TAF1B: variants seen among roughly 807,000 people sequenced by gnomAD.
TAF1B encodes the protein TATA-box binding protein associated factor, RNA polymerase I subunit B.
TAF1B carries 61 observed loss-of-function variants against 83.9 expected under a neutral mutation model. The observed-to-expected ratio is 0.73, with a 90% confidence interval of 0.59 to 0.90. The LOEUF (loss-of-function observed/expected upper bound fraction) is 0.90, where lower values mean the gene tolerates loss of function less well. TAF1B is among the 40% of genes least tolerant of loss of function. The pLI is 0.00. For synonymous variants in TAF1B, 221 were observed against 224.6 expected (o/e 0.98, Z 0.14); for missense variants, 625 against 677.0 (o/e 0.92, Z 0.85).
chr2:9,887,768 C>CTAT (rs1165516654), intron 8 of TAF1B, among the ~76,000 whole-genome samples: 1 of 152,014 alleles, frequency 6.6e-6, no homozygotes, highest in Non-Finnish European at 1.5e-5. Flanking sequence ...TACCATCTTG[C>CTAT]TATTACATGT....
At chr2:9,845,569 G>T in intron 2 of TAF1B, 2 of 357,362 alleles carry the variant, frequency 5.6e-6, no homozygotes, top group Non-Finnish European at 1.1e-5. Context: ...ATGTGGTTGA[G>T]GGAAATAATT....
intron 9 of TAF1B, among the ~76,000 whole-genome samples, chr2:9,907,357 C>T (rs970919272): frequency 1.3e-5 from 2 of 151,966 alleles, no homozygotes; most frequent in African/African-American, 2.4e-5. Context: ...ATATTGCTCT[C>T]GGTAATGCCG....
intron 8 of TAF1B, among the ~76,000 whole-genome samples, chr2:9,893,267 G>A (rs1359078336): frequency 6.6e-6 from 1 of 152,016 alleles, no homozygotes; most frequent in African/African-American, 2.4e-5. Context: ...GTGTATCTGT[G>A]TAATTTTATT....
chr2:9,887,796 CT>C (rs1255320032), intron 8 of TAF1B, among the ~76,000 whole-genome samples: 1 of 151,686 alleles, frequency 6.6e-6, no homozygotes, highest in Non-Finnish European at 1.5e-5. Flanking sequence ...CTTGTTTTTT[CT>C]TTTTTTCTTC....
chr2:9,899,855 A>G (rs548600688), intron 8 of TAF1B, among the ~76,000 whole-genome samples: 1 of 152,190 alleles, frequency 6.6e-6, no homozygotes, highest in Non-Finnish European at 1.5e-5. Flanking sequence ...CATGTATACA[A>G]ATTTGTCTCC....
chr2:9,882,837 C>A, intron 8 of TAF1B, 32 bp downstream of exon 8: 2 of 1,468,762 alleles, frequency 1.4e-6, no homozygotes, highest in Non-Finnish European at 1.9e-6. Context: ...TTTCTAGTCT[C>A]TGATAAGGCA....
At chr2:9,915,348 T>C (rs1558265460) in intron 12 of TAF1B, among the ~76,000 whole-genome samples, 1 of 152,120 alleles carries the variant, frequency 6.6e-6, no homozygotes, top group African/African-American at 2.4e-5. Flanking sequence ...ACAAAAGAAC[T>C]TAAACGAATA....
intron 8 of TAF1B, among the ~76,000 whole-genome samples, chr2:9,892,244 G>T (rs1266355467): frequency 6.6e-6 from 1 of 152,192 alleles, no homozygotes; most frequent in Non-Finnish European, 1.5e-5. Context: ...GGAGTAGTAG[G>T]CTATCTCATA....
In TAF1B at chr2:9,913,100, A is replaced by G. The variant is rs1665581277; in HGVS notation, c.1181-59A>G. Reference sequence around the variant, plus strand: ...CAATTAATGAAAACTCAGATGAACAATGTATATTATTATAGTGTGGTTTAT... The same window carrying G: ...CAATTAATGAAAACTCAGATGAACAGTGTATATTATTATAGTGTGGTTTAT... On this transcript the variant is annotated intron_variant, in intron 11 of 14. Transcript: ENST00000263663. 7 of 1,377,460 alleles carry G rather than the reference A, an allele frequency of 5.1e-6. No individual in the cohort carries two copies. In the Admixed American group the frequency reaches 6.3e-5, roughly 12 times the overall value. The allele number at this position is 1,377,460 out of a possible 1,614,324, so 85.3% of individuals were successfully genotyped here. A position where few individuals can be genotyped will look rare whatever the true frequency, so the allele number is the denominator to read the frequency against.
chr2:9,857,166 G>T (rs769993883), intron 5 of TAF1B, among the ~76,000 whole-genome samples: 2 of 152,082 alleles, frequency 1.3e-5, no homozygotes, highest in Non-Finnish European at 1.5e-5. Flanking sequence ...GTAAACCATG[G>T]GATATCTAGG....
chr2:9,874,404 T>A (rs1664259559), intron 6 of TAF1B, among the ~76,000 whole-genome samples: 1 of 152,166 alleles, frequency 6.6e-6, no homozygotes, highest in Admixed American at 6.5e-5. Context: ...GACTCTACAT[T>A]GCTATTTTTC....
chr2:9,880,815 A>G (rs1411752395), intron 7 of TAF1B, among the ~76,000 whole-genome samples: 2 of 152,344 alleles, frequency 1.3e-5, no homozygotes, highest in Non-Finnish European at 2.9e-5. Context: ...GTGGAATACT[A>G]GGCAGCTTAA....
chr2:9,873,049 C>T (rs565014094), intron 6 of TAF1B, among the ~76,000 whole-genome samples: 10 of 152,298 alleles, frequency 6.6e-5, no homozygotes, highest in African/African-American at 2.4e-4. Context: ...ATAAACAGTG[C>T]TGCCACAGCA....
intron 5 of TAF1B, among the ~76,000 whole-genome samples, chr2:9,861,343 C>T (rs902439453): frequency 1.3e-5 from 2 of 152,252 alleles, no homozygotes; most frequent in African/African-American, 4.8e-5. Context: ...TGGAGCCTCG[C>T]TGATTGCTAG....
chr2:9,864,317 G>T (rs1228019565), intron 5 of TAF1B, among the ~76,000 whole-genome samples: 1 of 151,874 alleles, frequency 6.6e-6, no homozygotes, highest in African/African-American at 2.4e-5. Flanking sequence ...ACACCTCTAC[G>T]CAAATAAACT....
chr2:9,848,359 T>G (rs1263193504), intron 2 of TAF1B, among the ~76,000 whole-genome samples: 1 of 152,202 alleles, frequency 6.6e-6, no homozygotes, highest in Non-Finnish European at 1.5e-5. Flanking sequence ...CTCACCTTTC[T>G]TCTGGCATTA....
At chr2:9,906,434 C>G (rs1665344823) in intron 9 of TAF1B, among the ~76,000 whole-genome samples, 1 of 152,060 alleles carries the variant, frequency 6.6e-6, no homozygotes. Context: ...TTCTCACAGT[C>G]TGTTCAATAG....
intron 7 of TAF1B, among the ~76,000 whole-genome samples, chr2:9,877,193 T>A (rs760077804): frequency 3.3e-5 from 5 of 152,186 alleles, no homozygotes; most frequent in Non-Finnish European, 7.3e-5. Flanking sequence ...GACTCTCAAA[T>A]TTATATCTCT....
intron 4 of TAF1B, chr2:9,852,101 A>C: frequency 2.2e-6 from 1 of 463,298 alleles, no homozygotes; most frequent in Non-Finnish European, 4.5e-6. Context: ...ACCTGAGTGC[A>C]TCAGAATCAC....
Sources: allele counts gnomAD v4.1 joint callset (sites outside exome capture counted in the v4.1 genomes callset), GRCh38; gene constraint gnomAD v4.1.1; transcripts MANE v1.5; gene names NCBI Gene and HGNC (gene_info 2026-07-23, HGNC 2026-07-21).